The following TTF2 variants were observed in gnomAD, a reference collection of about 807,000 sequenced individuals.
The protein encoded by TTF2 is transcription termination factor 2.
In TTF2, 108 loss-of-function variants were observed where a neutral mutation model predicts 142.4. The observed-to-expected ratio is 0.76, with a 90% CI of 0.65 to 0.89. TTF2 has a LOEUF of 0.89. TTF2 is among the 40% of genes least tolerant of loss of function. TTF2 has a pLI of 0.00. For missense variants in TTF2, 1,327 were observed against 1,379.8 expected, an observed-to-expected ratio of 0.96 and a Z score of 0.61; for synonymous variants, 483 against 506.2, an observed-to-expected ratio of 0.95 and a Z score of 0.61.
intron 10 of TTF2, 43 bp from the exon 11 acceptor site, chr1:117,083,975 T>C: frequency 2.5e-6 from 4 of 1,608,608 alleles, no homozygotes; most frequent in Non-Finnish European, 3.4e-6. Context: ...TTAAAAGCCA[T>C]TTGGTGAATG....
intron 3 of TTF2, among the ~76,000 whole-genome samples, chr1:117,072,336 G>A (rs944614161): frequency 4.0e-5 from 6 of 150,246 alleles, no homozygotes; most frequent in Non-Finnish European, 7.4e-5. Flanking sequence ...ACTTCACCCC[G>A]TAACTCCTGC....
rs528368251 is a variant in TTF2, at chr1:117,099,669, C to T, written c.3344+762C>T. ...ACAACAAAACCTGCCTTAATGCTGC[C>T]AATCCCCTCTCACAATGGCCCTCTT... On this transcript the variant is annotated intron_variant, in intron 22 of 22. Coordinates refer to ENST00000369466, the MANE Select transcript of TTF2 (RefSeq NM_003594.4). The surrounding 1 kb of genome is among the most constrained non-coding windows in gnomAD (Gnocchi z 4.3). 2.6e-5 allele frequency among the ~76,000 whole-genome samples: 4 copies of T among 152,302 alleles called. 1 individual carries two copies. In the South Asian group the frequency reaches 8.3e-4, roughly 32 times the overall value.
Position 117,086,556 on chromosome 1 carries a change from G to C in TTF2, c.2160+34G>C. On this transcript the variant is annotated intron_variant, in intron 12 of 22. Transcript: ENST00000369466. This position sits in a 1 kb window ranked among gnomAD's most constrained non-coding sequence, Gnocchi z 4.2. Reference sequence around the variant, plus strand: ...GGGGGGCAGCCAGGGAAGTGGAGTTGGAGCCACAGATGGTTTAATGGGAGT... The same window carrying C: ...GGGGGGCAGCCAGGGAAGTGGAGTTCGAGCCACAGATGGTTTAATGGGAGT... The C allele has an allele frequency of 6.6e-7, 1 of 1,522,684 alleles. No individual in the cohort carries two copies. The highest frequency in any genetic ancestry group is 9.1e-7 in the Non-Finnish European group (1 of 1,100,118). The allele number at this position is 1,522,684 out of a possible 1,614,324, so 94.3% of individuals were successfully genotyped here. A position where few individuals can be genotyped will look rare whatever the true frequency, so the allele number is the denominator to read the frequency against.
Position 117,103,827 on chromosome 1 carries a change from C to A in TTF2, c.*2303C>A, listed in dbSNP as rs1041165266. On this transcript the variant is annotated 3_prime_UTR_variant, in exon 23 of 23. Coordinates refer to ENST00000369466, the MANE Select transcript of TTF2 (RefSeq NM_003594.4). ...AATTAGCTGAGCGTGGTGGCGTGCGCCTGTAGTCCCAGCTACTGGGGAGGA... is the reference window on the plus strand; with the variant it reads ...AATTAGCTGAGCGTGGTGGCGTGCGACTGTAGTCCCAGCTACTGGGGAGGA... 6.6e-6 allele frequency: 1 copy of A among 152,462 alleles called. No individual in the cohort carries two copies. Among genetic ancestry groups the A allele is most frequent in the Non-Finnish European group, 1.5e-5 (1 of 68,348 alleles). 9.4% of individuals were successfully genotyped at this position (152,462 alleles called of 1,614,324 possible). A position where few individuals can be genotyped will look rare whatever the true frequency, so the allele number is the denominator to read the frequency against.
intron 3 of TTF2, among the ~76,000 whole-genome samples, chr1:117,062,762 T>A (rs927052781): frequency 6.6e-6 from 1 of 152,184 alleles, no homozygotes; most frequent in Non-Finnish European, 1.5e-5. Flanking sequence ...AACTTGCCCT[T>A]AACTTGTCAA....
At position 117,079,803 on chromosome 1, in the gene TTF2, TAAGCAACTTGCTC is replaced by T. The variant is rs1647331240; in HGVS notation, c.1783+158_1783+170del. Among the ~76,000 whole-genome samples the T allele has an allele frequency of 6.6e-6, 1 of 152,230 alleles. No individual in the cohort carries two copies. The highest frequency in any genetic ancestry group is 1.5e-5 in the Non-Finnish European group (1 of 68,040). Reference sequence around the variant, plus strand: ...TGATGAAAGTGAAGCATGGAAGTGTTAAGCAACTTGCTCAAGAATACACAGTTTAGGATCAAAG... The same window carrying T: ...TGATGAAAGTGAAGCATGGAAGTGTTAAGAATACACAGTTTAGGATCAAAG... On this transcript the variant is annotated intron_variant, in intron 9 of 22. Transcript: ENST00000369466. This position sits in a 1 kb window ranked among gnomAD's most constrained non-coding sequence, Gnocchi z 4.2.
Position 117,083,301 on chromosome 1 carries a change from G to A in TTF2, c.1904-717G>A, listed in dbSNP as rs114797631. Among the ~76,000 whole-genome samples the A allele has an allele frequency of 9.0e-3, 1,359 of 151,564 alleles. 20 individuals carry two copies. Among genetic ancestry groups the A allele is most frequent in the African/African-American group, 0.032 (1,301 of 41,256 alleles). On this transcript the variant is annotated intron_variant, in intron 10 of 22. Coordinates refer to ENST00000369466, the MANE Select transcript of TTF2 (RefSeq NM_003594.4). ...GCTCTCAGGGCCTCTAATGAGCACT[G>A]TTGCAGCTGGGTCCTATATCCCTTT... is the stretch of plus-strand genomic sequence containing the variant.
intron 10 of TTF2, among the ~76,000 whole-genome samples, chr1:117,082,316 G>A (rs975197080): frequency 2.6e-5 from 4 of 152,030 alleles, no homozygotes; most frequent in African/African-American, 4.8e-5. Context: ...TGGCTCAAGC[G>A]ATCCTCCCAC....
chr1:117,095,422 G>A (rs1243797305), intron 19 of TTF2, 55 bp downstream of exon 19: 1 of 1,540,644 alleles, frequency 6.5e-7, no homozygotes, highest in Non-Finnish European at 9.0e-7. Flanking sequence ...GAGAAAATTT[G>A]ATATTGCCAA....
Position 117,091,390 on chromosome 1 carries a change from C to G in TTF2, c.2651C>G (p.Pro884Arg). The G allele has an allele frequency of 3.7e-6, 6 of 1,613,444 alleles. No individual in the cohort carries two copies. The highest frequency in any genetic ancestry group is 5.1e-6 in the Non-Finnish European group (6 of 1,179,888). ...AGAGGCAACCAATCTGGAAGAAGCCCTAATAATCCATTCAGTAGAGGTAAG... is the reference window on the plus strand; with the variant it reads ...AGAGGCAACCAATCTGGAAGAAGCCGTAATAATCCATTCAGTAGAGGTAAG... ...ESRGNQSGRSPNNPFSRVALE... is the reference protein window; with the variant it reads ...ESRGNQSGRSRNNPFSRVALE... Residue 884 changes from proline (P) to arginine (R), a missense_variant, in exon 16 of 23, where the codon CCT (proline) becomes CGT (arginine). Physicochemically the swap from Pro to Arg is moderately radical, Grantham distance 103 (BLOSUM62 -2). Coordinates refer to ENST00000369466, the MANE Select transcript of TTF2 (RefSeq NM_003594.4).
In TTF2 at chr1:117,063,298, G is replaced by A. The variant is rs1488027115; in HGVS notation, c.218+825G>A. ...TACACAAGTCTTAAGATTTCAACCAGTTGAGTTTTGAGAATGCATGTACCT... is the reference window on the plus strand; with the variant it reads ...TACACAAGTCTTAAGATTTCAACCAATTGAGTTTTGAGAATGCATGTACCT... On this transcript the variant is annotated intron_variant, in intron 3 of 22. Coordinates refer to ENST00000369466, the MANE Select transcript of TTF2 (RefSeq NM_003594.4). This position sits in a 1 kb window ranked among gnomAD's most constrained non-coding sequence, Gnocchi z 4.1. 6.6e-6 allele frequency among the ~76,000 whole-genome samples: 1 copy of A among 152,084 alleles called. No homozygotes were observed. The highest frequency in any genetic ancestry group is 1.5e-5 in the Non-Finnish European group (1 of 68,016).
At position 117,090,150 on chromosome 1, in the gene TTF2, C is replaced by T; in HGVS notation, c.2438C>T (p.Thr813Ile). 1 of 1,614,160 alleles carries T rather than the reference C, an allele frequency of 6.2e-7. No homozygotes were observed. Among genetic ancestry groups the T allele is most frequent in the Non-Finnish European group, 8.5e-7 (1 of 1,180,012 alleles). ...KKGGERLSIL[T>I]KSLLLRRTKD... ...GGAGGAGAACGGTTAAGTATTTTAA[C>T]CAAGAGCCTTTTGCTGAGGAGAACA... The change falls in exon 14 of 23, where the codon ACC (threonine) becomes ATC (isoleucine). Residue 813 changes from threonine (T) to isoleucine (I), a missense_variant. By Grantham distance (89) the Thr-to-Ile change is moderately conservative (BLOSUM62 -1). Transcript: ENST00000369466. This position sits in a 1 kb window ranked among gnomAD's most constrained non-coding sequence, Gnocchi z 4.8.
intron 3 of TTF2, among the ~76,000 whole-genome samples, chr1:117,067,143 T>C (rs1656203449): frequency 6.6e-6 from 1 of 152,222 alleles, no homozygotes; most frequent in Non-Finnish European, 1.5e-5. Context: ...AAGGGTTTAT[T>C]ATTTTAAAAT....
At chr1:117,082,044 A>G in intron 10 of TTF2, 97 bp downstream of exon 10, 1 of 1,557,716 alleles carries the variant, frequency 6.4e-7, no homozygotes, top group Non-Finnish European at 8.8e-7. Context: ...CTTTGGTCAT[A>G]TTTAATTACT....
In TTF2 at chr1:117,102,971, T is replaced by C. The variant is rs572156671; in HGVS notation, c.*1447T>C. On this transcript the variant is annotated 3_prime_UTR_variant, in exon 23 of 23. Coordinates refer to ENST00000369466, the MANE Select transcript of TTF2 (RefSeq NM_003594.4). The stretch of plus-strand genomic sequence containing the variant: ...TGCAGTTTGACGGGGTCCATATCAA[T>C]GGACTGTGGAGAGAAGCGATTGATG... The C allele has an allele frequency of 1.6e-4, 25 of 152,350 alleles. No homozygotes were observed. In the East Asian group the frequency reaches 3.5e-3, roughly 21 times the overall value. The allele number at this position is 152,350 out of a possible 1,614,324, so 9.4% of individuals were successfully genotyped here.
rs1557827816 is a variant in TTF2, at chr1:117,092,697, T to C, written c.2806-34T>C. ...AAGTAACAAGGTTTGCTCCCTTGACTCCCAGCTGCTCCTGTCCTTTTTTGT... is the reference window on the plus strand; with the variant it reads ...AAGTAACAAGGTTTGCTCCCTTGACCCCCAGCTGCTCCTGTCCTTTTTTGT... On this transcript the variant is annotated intron_variant, in intron 17 of 22. Coordinates refer to ENST00000369466, the MANE Select transcript of TTF2 (RefSeq NM_003594.4). This position sits in a 1 kb window ranked among gnomAD's most constrained non-coding sequence, Gnocchi z 4.4. 1 of 1,595,638 alleles carries C rather than the reference T, an allele frequency of 6.3e-7. No homozygotes were observed. The highest frequency in any genetic ancestry group is 8.5e-7 in the Non-Finnish European group (1 of 1,170,474).
In TTF2 at chr1:117,073,875, T is replaced by A; in HGVS notation, c.285+148T>A. The A allele has an allele frequency of 5.3e-6, 3 of 566,586 alleles. No individual in the cohort carries two copies. Among genetic ancestry groups the A allele is most frequent in the Non-Finnish European group, 8.7e-6 (3 of 342,938 alleles). The allele number at this position is 566,586 out of a possible 1,614,324, so 35.1% of individuals were successfully genotyped here. On this transcript the variant is annotated intron_variant, in intron 4 of 22. Transcript: ENST00000369466. The surrounding 1 kb of genome is among the most constrained non-coding windows in gnomAD (Gnocchi z 4.4). ...AGTTTTCTTTAAGCAAGGTAGGCCC[T>A]GTTGGGACTTTTATTCAAAGGATCA...
chr1:117,081,716 G>A, intron 9 of TTF2, 112 bp from the exon 10 acceptor site: 1 of 1,317,054 alleles, frequency 7.6e-7, no homozygotes, highest in Non-Finnish European at 1.0e-6. Context: ...GTGACGGAGT[G>A]GCACTGACAG....
In TTF2 at chr1:117,063,564, AATTC is replaced by A. The variant is rs559193276; in HGVS notation, c.218+1099_218+1102del. On this transcript the variant is annotated intron_variant, in intron 3 of 22. Coordinates refer to ENST00000369466, the MANE Select transcript of TTF2 (RefSeq NM_003594.4). This position sits in a 1 kb window ranked among gnomAD's most constrained non-coding sequence, Gnocchi z 4.1. ...TGAAATGTATATAATATGTATCAGT[AATTC>A]ATTCATTTTTATTGTGGAGTTGAAT... 6.0e-4 allele frequency among the ~76,000 whole-genome samples: 91 copies of A among 152,352 alleles called. 1 individual carries two copies. The highest frequency in any genetic ancestry group is 2.1e-3 in the African/African-American group (89 of 41,584).
Sources: allele counts gnomAD v4.1 joint callset (sites outside exome capture counted in the v4.1 genomes callset), GRCh38; gene constraint gnomAD v4.1.1; non-coding constraint Gnocchi (gnomAD v3.1); transcripts MANE v1.5; gene names NCBI Gene and HGNC (gene_info 2026-07-23, HGNC 2026-07-21).